Variants in LINGO2 observed in about 807,000 individuals in gnomAD.
LINGO2 encodes leucine-rich repeat and immunoglobulin-like domain-containing nogo receptor-interacting protein 2.
A neutral mutation model predicts 30.6 loss-of-function variants in LINGO2; 14 were observed. The ratio of observed to expected loss-of-function variants is 0.46; its 90% CI spans 0.30 to 0.72. LINGO2 has a LOEUF of 0.72. Among genes scored for constraint, LINGO2 ranks in the 30% least tolerant of loss-of-function variants. The pLI is 0.07. For synonymous variants in LINGO2, 317 were observed against 288.5 expected (o/e 1.10, Z -1.00); for missense variants, 729 against 751.7 (o/e 0.97, Z 0.35).
In LINGO2 at chr9:27,991,231, A is replaced by T. The variant is rs181049109; in HGVS notation, c.-36+21124T>A. Among the ~76,000 whole-genome samples the T allele has an allele frequency of 5.6e-3, 824 of 148,432 alleles. 34 individuals are homozygous for T. Among genetic ancestry groups the T allele is most frequent in the Admixed American group, 0.047 (695 of 14,826 alleles). ...CTCTGGTTGAATACAATGAACGGCA[A>T]CAACAACAACAACAAAGGATTTTTT... On this transcript the variant is annotated intron_variant, in intron 5 of 5. Coordinates refer to ENST00000379992, the Ensembl canonical transcript of LINGO2.
At chr9:28,146,395 G>GTT (rs1336918196) in intron 4 of LINGO2, among the ~76,000 whole-genome samples, 1 of 152,148 alleles carries the variant, frequency 6.6e-6, no homozygotes, top group Non-Finnish European at 1.5e-5. Flanking sequence ...ATACACACTA[G>GTT]TTAGACTAAT....
chr9:28,970,366 G>A, the LINGO2 span, among the ~76,000 whole-genome samples: 55 of 152,126 alleles, frequency 3.6e-4, no homozygotes, highest in Admixed American at 2.5e-3. Context: ...TGGTCCCCCT[G>A]AAAAGGACAC....
chr9:28,333,383 A>G (rs999159145), intron 3 of LINGO2, among the ~76,000 whole-genome samples: 4 of 152,188 alleles, frequency 2.6e-5, no homozygotes, highest in African/African-American at 7.2e-5. Context: ...AGACATTTTT[A>G]AAGGACAGAT....
At chr9:28,140,712 A>G (rs1827647958) in intron 4 of LINGO2, among the ~76,000 whole-genome samples, 1 of 152,008 alleles carries the variant, frequency 6.6e-6, no homozygotes, top group South Asian at 2.1e-4. Flanking sequence ...CATTTTGTAC[A>G]CTCATTTTCT....
At chr9:28,856,007 C>T in the LINGO2 span, among the ~76,000 whole-genome samples, 1 of 151,894 alleles carries the variant, frequency 6.6e-6, no homozygotes, top group African/African-American at 2.4e-5. Context: ...AACTGGGAGG[C>T]AGGAATTCAT....
the LINGO2 span, among the ~76,000 whole-genome samples, chr9:28,707,341 C>T: frequency 6.6e-6 from 1 of 152,100 alleles, no homozygotes; most frequent in Non-Finnish European, 1.5e-5. Flanking sequence ...CAACTTTTCT[C>T]AGGGTAAATG....
At chr9:29,179,864 C>T in the LINGO2 span, among the ~76,000 whole-genome samples, 1 of 152,152 alleles carries the variant, frequency 6.6e-6, no homozygotes, top group African/African-American at 2.4e-5. Flanking sequence ...CAAAACTCCA[C>T]ATTATATTTT....
At chr9:28,138,476 CT>C (rs944610372) in intron 4 of LINGO2, among the ~76,000 whole-genome samples, 1 of 152,126 alleles carries the variant, frequency 6.6e-6, no homozygotes, top group South Asian at 2.1e-4. Context: ...ATTGACACAT[CT>C]TTTTTTTGTG....
intron 3 of LINGO2, among the ~76,000 whole-genome samples, chr9:28,355,317 CTCTCTCTCTG>C (rs1820141714): frequency 9.0e-5 from 8 of 88,976 alleles, no homozygotes; most frequent in South Asian, 3.1e-4. Context: ...CTCTCTCTCT[CTCTCTCTCTG>C]TCTCTGTCTC....
intron 1 of LINGO2, among the ~76,000 whole-genome samples, chr9:28,626,503 T>C (rs1239611322): frequency 6.6e-6 from 1 of 152,098 alleles, no homozygotes; most frequent in African/African-American, 2.4e-5. Flanking sequence ...TTTTCTCTTA[T>C]ATCCACTTTA....
In LINGO2 at chr9:28,451,963, T is replaced by C. The variant is rs567773058; in HGVS notation, c.-279+23977A>G. On this transcript the variant is annotated intron_variant, in intron 2 of 5. Transcript: ENST00000379992. Reference sequence around the variant, plus strand: ...TTTTAAAGCTTCTTGACCATTAAAATATACTGCAATAGAATATTGAGCATA... The same window carrying C: ...TTTTAAAGCTTCTTGACCATTAAAACATACTGCAATAGAATATTGAGCATA... Among the ~76,000 whole-genome samples the C allele has an allele frequency of 2.0e-5, 3 of 151,824 alleles. No individual in the cohort carries two copies. The South Asian group carries it at 6.2e-4, about 31-fold the overall frequency.
Position 28,137,740 on chromosome 9 carries a change from G to T in LINGO2, c.-86-125335C>A, listed in dbSNP as rs146000939. ...TAATGATAGGCATATTACCTTTGAA[G>T]ATTTTGATCACTTAAAGATAGACAT... On this transcript the variant is annotated intron_variant, in intron 4 of 5. Coordinates refer to ENST00000379992, the Ensembl canonical transcript of LINGO2. 1.5e-3 allele frequency among the ~76,000 whole-genome samples: 233 copies of T among 152,130 alleles called. 4 individuals carry two copies. Among genetic ancestry groups the T allele is most frequent in the African/African-American group, 4.7e-3 (194 of 41,526 alleles).
chr9:28,921,736 T>G, the LINGO2 span, among the ~76,000 whole-genome samples: 1 of 152,216 alleles, frequency 6.6e-6, no homozygotes. Flanking sequence ...ACTCACCAGT[T>G]ATTCCATCTT....
At chr9:28,748,749 G>A in the LINGO2 span, among the ~76,000 whole-genome samples, 1 of 151,928 alleles carries the variant, frequency 6.6e-6, no homozygotes, top group African/African-American at 2.4e-5. Flanking sequence ...AACAACATAT[G>A]TCTAATTATG....
chr9:28,223,774 T>C (rs986648429), intron 4 of LINGO2, among the ~76,000 whole-genome samples: 1 of 152,088 alleles, frequency 6.6e-6, no homozygotes, highest in African/African-American at 2.4e-5. Flanking sequence ...ACATTGCCTA[T>C]GGAAATAAAG....
intron 5 of LINGO2, among the ~76,000 whole-genome samples, chr9:27,966,528 C>T (rs1040671753): frequency 3.9e-5 from 6 of 152,028 alleles, no homozygotes; most frequent in African/African-American, 1.4e-4. Context: ...AGTGGGAACA[C>T]ATGGACACAG....
At chr9:28,502,163 T>TAC (rs1369222802) in intron 1 of LINGO2, among the ~76,000 whole-genome samples, 4 of 64,770 alleles carry the variant, frequency 6.2e-5, no homozygotes, top group African/African-American at 1.1e-4. Flanking sequence ...CACACACACA[T>TAC]ACACACACAC....
chr9:28,041,509 C>T (rs1390998588), intron 4 of LINGO2, among the ~76,000 whole-genome samples: 1 of 152,052 alleles, frequency 6.6e-6, no homozygotes, highest in Non-Finnish European at 1.5e-5. Flanking sequence ...TAGTTAAGAG[C>T]TACTTAGAGG....
intron 2 of LINGO2, among the ~76,000 whole-genome samples, chr9:28,457,492 C>T (rs1824897361): frequency 1.3e-5 from 2 of 152,140 alleles, no homozygotes; most frequent in Admixed American, 6.5e-5. Flanking sequence ...TCGCTCACTG[C>T]AGCCTCAAAC....
Sources: gnomAD v4.1 joint callset for allele counts (sites outside exome capture counted in the v4.1 genomes callset) on GRCh38, gnomAD v4.1.1 for gene constraint, MANE v1.5 for transcripts, NCBI Gene and HGNC (gene_info 2026-07-23, HGNC 2026-07-21) for gene names.